The following TMEM63A variants were observed in gnomAD, a reference collection of about 807,000 sequenced individuals.
TMEM63A encodes transmembrane protein 63A.
TMEM63A carries 76 observed loss-of-function variants against 100.6 expected under a neutral mutation model. That is an observed-to-expected ratio of 0.76 (90% confidence interval 0.63 to 0.91). The LOEUF (loss-of-function observed/expected upper bound fraction) is 0.91, where lower values mean the gene tolerates loss of function less well. TMEM63A is among the 40% of genes least tolerant of loss of function. TMEM63A has a pLI of 0.00. For missense variants in TMEM63A, 876 were observed against 1,008.8 expected (o/e 0.87, Z 1.78); for synonymous variants, 401 against 401.1 (o/e 1.00, Z 0.00).
At chr1:225,872,748 G>A (rs1480493468) in intron 4 of TMEM63A, among the ~76,000 whole-genome samples, 2 of 140,436 alleles carry the variant, frequency 1.4e-5, no homozygotes, top group African/African-American at 5.4e-5. Flanking sequence ...AGCTGGAAGT[G>A]CAGTGGGGTG....
At chr1:225,872,133 C>T (rs1670539742) in intron 4 of TMEM63A, 80 bp from the exon 5 acceptor site, 3 of 1,083,392 alleles carry the variant, frequency 2.8e-6, no homozygotes, top group Admixed American at 2.3e-5. Flanking sequence ...AGATCACATC[C>T]AGTATTTTGC....
chr1:225,858,901 G>T lies in TMEM63A; in HGVS notation c.1377+295C>A, dbSNP rs181321909. Among the ~76,000 whole-genome samples, 27 of 151,096 alleles carry T rather than the reference G, an allele frequency of 1.8e-4. No individual in the cohort carries two copies. In the East Asian group the frequency reaches 5.0e-3, roughly 28 times the overall value. On this transcript the variant is annotated intron_variant, in intron 15 of 24. Coordinates refer to ENST00000366835, the MANE Select transcript of TMEM63A (RefSeq NM_014698.3). ...ATCCCTACCATTCAGTATTTAGATA[G>T]TCTATTAAAATATATATGTATGCAT...
chr1:225,880,478 A>T (rs1671035900), intron 1 of TMEM63A, among the ~76,000 whole-genome samples: 1 of 152,086 alleles, frequency 6.6e-6, no homozygotes, highest in South Asian at 2.1e-4. Flanking sequence ...TGTATAGAGG[A>T]GGCCAAACCA....
intron 5 of TMEM63A, chr1:225,871,479 G>T: frequency 4.3e-6 from 1 of 233,558 alleles, no homozygotes; most frequent in South Asian, 8.6e-5. Flanking sequence ...CGCTGGAGTG[G>T]GTGTTAGGGG....
chr1:225,844,696 G>T, downstream of TMEM63A: 1 of 1,596,488 alleles, frequency 6.3e-7, no homozygotes, highest in Non-Finnish European at 8.5e-7. Flanking sequence ...TGGGCTCCAC[G>T]AAGGGCACTT....
intron 3 of TMEM63A, among the ~76,000 whole-genome samples, chr1:225,876,063 CAAAAAAAAAAAAAAAAAA>C (rs532420561): frequency 8.8e-4 from 29 of 32,922 alleles, no homozygotes; most frequent in Admixed American, 2.4e-3. Flanking sequence ...GACCTTGTCT[CAAAAAAAAAAAAAAAAAA>C]AAAAAAAAAA....
intron 2 of TMEM63A, among the ~76,000 whole-genome samples, chr1:225,878,885 T>TACACACACAGAC (rs1553495006): frequency 2.2e-5 from 3 of 139,520 alleles, no homozygotes; most frequent in African/African-American, 8.2e-5. Context: ...CCTACCTACC[T>TACACACACAGAC]ACACACACAC....
intron 3 of TMEM63A, among the ~76,000 whole-genome samples, chr1:225,876,762 C>G (rs913042096): frequency 6.6e-6 from 1 of 152,070 alleles, no homozygotes; most frequent in African/African-American, 2.4e-5. Context: ...ATTCTCCTGC[C>G]TCGGCCTCCA....
intron 10 of TMEM63A, chr1:225,864,582 C>CA (rs1362895166): frequency 6.6e-6 from 1 of 152,118 alleles, no homozygotes; most frequent in Admixed American, 6.5e-5. Flanking sequence ...TGTTGCCTAG[C>CA]AGGCAACTTT....
At position 225,847,122 on chromosome 1, in the gene TMEM63A, T is replaced by TGGATGGCACCATAGGTCTGCTGCTGC; in HGVS notation, c.2316_2341dup (p.His781ArgfsTer58). On this transcript the variant is annotated frameshift_variant, in exon 24 of 25. Coordinates refer to ENST00000366835, the MANE Select transcript of TMEM63A (RefSeq NM_014698.3). LOFTEE classifies it high-confidence loss of function. ...TCCAGGGATAGTCCCGCTGATGTTGTGGATGGCACCATAGGTCTGCTGCTG... is the reference window on the plus strand; with the variant it reads ...TCCAGGGATAGTCCCGCTGATGTTGTGGATGGCACCATAGGTCTGCTGCTGCGGATGGCACCATAGGTCTGCTGCTG... The TGGATGGCACCATAGGTCTGCTGCTGC allele has an allele frequency of 6.2e-7, 1 of 1,613,850 alleles. No individual in the cohort carries two copies. The highest frequency in any genetic ancestry group is 1.3e-5 in the African/African-American group (1 of 75,078).
rs1669046094 is a variant in TMEM63A at position 225,847,136 on chromosome 1, G to A, written c.2328C>T (p.Thr776=). 6.2e-7 allele frequency: 1 copy of A among 1,612,368 alleles called. No individual in the cohort carries two copies. Residue 776 remains threonine (T), a synonymous_variant, in exon 24 of 25, where the codon ACC becomes ACT. Coordinates refer to ENST00000366835, the MANE Select transcript of TMEM63A (RefSeq NM_014698.3). The part of the protein sequence containing the change: ...ALSPQQQQQQ[T]YGAIHNISGT... ...CGCTGATGTTGTGGATGGCACCATA[G>A]GTCTGCTGCTGCTGCTGCTGCGGAG...
chr1:225,871,367 C>A (rs1670500414), intron 5 of TMEM63A, among the ~76,000 whole-genome samples: 1 of 152,168 alleles, frequency 6.6e-6, no homozygotes, highest in African/African-American at 2.4e-5. Flanking sequence ...AAGCTCAGGG[C>A]AGCTCTGGGC....
intron 2 of TMEM63A, among the ~76,000 whole-genome samples, chr1:225,878,870 ACC>A (rs1366110623): frequency 8.8e-6 from 1 of 113,922 alleles, no homozygotes; most frequent in Non-Finnish European, 1.8e-5. Context: ...ACACCTACCT[ACC>A]TACCTACCTA....
chr1:225,857,125 T>C, intron 15 of TMEM63A, 108 bp from the exon 16 acceptor site: 1 of 949,136 alleles, frequency 1.1e-6, no homozygotes, highest in South Asian at 2.2e-5. Flanking sequence ...GGGTAGGAGT[T>C]TGTCATCTCT....
intron 14 of TMEM63A, 49 bp downstream of exon 14, chr1:225,860,811 A>T: frequency 9.0e-6 from 14 of 1,550,006 alleles, no homozygotes; most frequent in Non-Finnish European, 1.2e-5. Context: ...GGCAGCTCCC[A>T]CCAGGAACCC....
At chr1:225,854,310 G>A (rs1290727254) in intron 18 of TMEM63A, among the ~76,000 whole-genome samples, 2 of 152,236 alleles carry the variant, frequency 1.3e-5, no homozygotes, top group African/African-American at 4.8e-5. Context: ...GCTGAAAGGG[G>A]CTGGGGGCCA....
chr1:225,872,072 A>G lies in TMEM63A; in HGVS notation c.267-19T>C, dbSNP rs764787922. On this transcript the variant is annotated intron_variant, in intron 4 of 24. Coordinates refer to ENST00000366835, the MANE Select transcript of TMEM63A (RefSeq NM_014698.3). ...GGACTCGCTAGAGACACAAAAAGAA[A>G]AAAAATGACAGATAATTCTTAGAAA... The G allele has an allele frequency of 1.3e-5, 21 of 1,569,744 alleles. No individual in the cohort carries two copies. The highest frequency in any genetic ancestry group is 1.7e-5 in the Non-Finnish European group (20 of 1,150,898).
chr1:225,857,356 C>T (rs12041277), intron 15 of TMEM63A, among the ~76,000 whole-genome samples: 51,366 of 137,374 alleles, frequency 0.37, 10,076 homozygotes, highest in Middle Eastern at 0.54. Flanking sequence ...GACTGAACAC[C>T]GAAGGCCTGG....
At chr1:225,856,390 C>T (rs377068336) in intron 17 of TMEM63A, among the ~76,000 whole-genome samples, 1 of 143,518 alleles carries the variant, frequency 7.0e-6, no homozygotes, top group African/African-American at 2.7e-5. Flanking sequence ...TTTGGGAGGC[C>T]GAGGCGGGTG....
Sources: gnomAD v4.1 joint callset for allele counts (sites outside exome capture counted in the v4.1 genomes callset) on GRCh38, gnomAD v4.1.1 for gene constraint, MANE v1.5 for transcripts, NCBI Gene and HGNC (gene_info 2026-07-23, HGNC 2026-07-21) for gene names.